TMEM132C: variants seen among roughly 807,000 people sequenced by gnomAD.
TMEM132C encodes transmembrane protein 132C, also known as protein phosphatase 1, regulatory subunit 152.
In TMEM132C, 29 loss-of-function variants were observed where a neutral mutation model predicts 61.4. That is an observed-to-expected ratio of 0.47 (90% confidence interval 0.35 to 0.64). The LOEUF (loss-of-function observed/expected upper bound fraction) is 0.64. Among genes scored for constraint, TMEM132C ranks in the 30% least tolerant of loss-of-function variants. The pLI, the probability that TMEM132C is intolerant of heterozygous loss-of-function variation, is 0.00. For synonymous variants in TMEM132C, 656 were observed against 633.1 expected, an observed-to-expected ratio of 1.04 and a Z score of -0.54; for missense variants, 1,408 against 1,476.9, an observed-to-expected ratio of 0.95 and a Z score of 0.76.
At chr12:128,327,875 T>A (rs559549853) in intron 1 of TMEM132C, among the ~76,000 whole-genome samples, 1 of 152,208 alleles carries the variant, frequency 6.6e-6, no homozygotes, top group South Asian at 2.1e-4. Flanking sequence ...TGGGTTGTGA[T>A]AGAGGTTGTG....
rs1429301838 is a variant in TMEM132C, at chr12:128,544,078, C to T, written c.1096C>T (p.Arg366Cys). 5 of 1,541,830 alleles carry T rather than the reference C, an allele frequency of 3.2e-6. No individual in the cohort carries two copies. Among genetic ancestry groups the T allele is most frequent in the East Asian group, 2.5e-5 (1 of 40,204 alleles). ...CGTGACGGCCACCGTGGCCTGCCAGCGCCTGGGGCCCAGCCCACGCAACAG... is the reference window on the plus strand; with the variant it reads ...CGTGACGGCCACCGTGGCCTGCCAGTGCCTGGGGCCCAGCCCACGCAACAG... The part of the protein sequence containing the change: ...KHVTATVACQ[R>C]LGPSPRNRSS... The change falls in exon 3 of 9, where the codon CGC becomes TGC. Residue 366 changes from arginine to cysteine, a missense_variant. By Grantham distance (180) the Arg-to-Cys change is radical. Coordinates refer to ENST00000435159, the MANE Select transcript of TMEM132C (RefSeq NM_001136103.3).
At chr12:128,611,157 C>T (rs774897391) in intron 3 of TMEM132C, among the ~76,000 whole-genome samples, 2 of 152,094 alleles carry the variant, frequency 1.3e-5, no homozygotes, top group African/African-American at 2.4e-5. Context: ...CAGAGTTGTT[C>T]GGTCATCCAG....
chr12:128,473,329 T>C (rs112158543), intron 2 of TMEM132C, among the ~76,000 whole-genome samples: 48 of 16,576 alleles, frequency 2.9e-3, no homozygotes, highest in Middle Eastern at 0.045. Flanking sequence ...TATCTTCATC[T>C]TCAGTCCAGC....
Position 128,368,573 on chromosome 12 carries a change from C to T in TMEM132C, c.86-46159C>T, listed in dbSNP as rs541053563. 3.3e-5 allele frequency among the ~76,000 whole-genome samples: 5 copies of T among 152,276 alleles called. No individual in the cohort carries two copies. In the East Asian group the frequency reaches 9.7e-4, roughly 29 times the overall value. On this transcript the variant is annotated intron_variant, in intron 1 of 8. Coordinates refer to ENST00000435159, the MANE Select transcript of TMEM132C (RefSeq NM_001136103.3). ...TTGCTGTTATTACAATGATGACCAT[C>T]CTTGATTTAGCAAAGGAGGGTGGGC...
rs1179461647 is a variant in TMEM132C, at chr12:128,326,947, T to G, written c.85+59460T>G. Reference sequence around the variant, plus strand: ...TAGCCGTGTCGTAGGGGGAAAATGTTAGAACGACTATTTAAGTAAAATTTA... The same window carrying G: ...TAGCCGTGTCGTAGGGGGAAAATGTGAGAACGACTATTTAAGTAAAATTTA... On this transcript the variant is annotated intron_variant, in intron 1 of 8. Transcript: ENST00000435159. The surrounding 1 kb of genome is among the most constrained non-coding windows in gnomAD (Gnocchi z 5.6). Among the ~76,000 whole-genome samples the G allele has an allele frequency of 6.7e-6, 1 of 150,018 alleles. No homozygotes were observed. Among genetic ancestry groups the G allele is most frequent in the Non-Finnish European group, 1.5e-5 (1 of 68,036 alleles).
At chr12:128,351,826 G>A (rs557345845) in intron 1 of TMEM132C, among the ~76,000 whole-genome samples, 8 of 152,304 alleles carry the variant, frequency 5.3e-5, no homozygotes, top group African/African-American at 7.2e-5. Context: ...ATGAAATTTC[G>A]ACATGAGATT....
intron 3 of TMEM132C, among the ~76,000 whole-genome samples, chr12:128,614,320 G>A (rs1235587632): frequency 2.0e-5 from 3 of 152,170 alleles, no homozygotes; most frequent in Non-Finnish European, 2.9e-5. Context: ...CTTATAACAC[G>A]AAAGCAACCA....
chr12:128,287,680 T>C (rs1159526918), intron 1 of TMEM132C, among the ~76,000 whole-genome samples: 1 of 152,254 alleles, frequency 6.6e-6, no homozygotes, highest in Non-Finnish European at 1.5e-5. Context: ...GGTACTATTA[T>C]GTATCTGCCT....
intron 1 of TMEM132C, among the ~76,000 whole-genome samples, chr12:128,290,854 A>C (rs12311295): frequency 0.018 from 2,742 of 151,920 alleles, 163 homozygotes; most frequent in Admixed American, 0.12. Context: ...TTAACAAAAA[A>C]AAAAAAAAGA....
At chr12:128,456,293 A>AT (rs777275747) in intron 2 of TMEM132C, among the ~76,000 whole-genome samples, 3 of 120,654 alleles carry the variant, frequency 2.5e-5, no homozygotes, top group Non-Finnish European at 5.2e-5. Context: ...CTTGTTTCAT[A>AT]TTTTTCCTTA....
intron 3 of TMEM132C, among the ~76,000 whole-genome samples, chr12:128,598,238 G>A (rs146441748): frequency 9.3e-4 from 141 of 152,156 alleles, no homozygotes; most frequent in African/African-American, 3.0e-3. Context: ...CCAACATGGC[G>A]GAACCCCAAC....
intron 5 of TMEM132C, among the ~76,000 whole-genome samples, chr12:128,672,925 A>C (rs899050462): frequency 2.6e-5 from 4 of 152,198 alleles, no homozygotes; most frequent in Non-Finnish European, 5.9e-5. Flanking sequence ...AGTTTTGTGG[A>C]TGCTGGCAGA....
intron 6 of TMEM132C, 56 bp from the exon 7 acceptor site, chr12:128,695,774 A>C: frequency 6.8e-7 from 1 of 1,469,232 alleles, no homozygotes; most frequent in Non-Finnish European, 9.0e-7. Flanking sequence ...GCCTGTCTCA[A>C]GAACGTCTTA....
At chr12:128,506,761 C>T (rs1386948834) in intron 2 of TMEM132C, among the ~76,000 whole-genome samples, 1 of 152,176 alleles carries the variant, frequency 6.6e-6, no homozygotes, top group African/African-American at 2.4e-5. Context: ...AGGTTGGGCA[C>T]ATGAAGTAGA....
chr12:128,432,563 A>G (rs1286955989), intron 2 of TMEM132C, among the ~76,000 whole-genome samples: 1 of 152,224 alleles, frequency 6.6e-6, no homozygotes, highest in African/African-American at 2.4e-5. Flanking sequence ...TAGCAAAAGA[A>G]TTAGATATCA....
intron 1 of TMEM132C, among the ~76,000 whole-genome samples, chr12:128,378,549 A>T (rs1385663538): frequency 2.0e-5 from 3 of 152,350 alleles, no homozygotes; most frequent in African/African-American, 7.2e-5. Context: ...GCACAATTTC[A>T]GGAACGCCTA....
intron 1 of TMEM132C, among the ~76,000 whole-genome samples, chr12:128,291,160 C>CATA (rs1871234742): frequency 6.6e-6 from 1 of 152,196 alleles, no homozygotes; most frequent in Non-Finnish European, 1.5e-5. Flanking sequence ...TGGTCTGAGC[C>CATA]AGCTGCAAGG....
intron 2 of TMEM132C, among the ~76,000 whole-genome samples, chr12:128,524,025 A>G (rs1303730213): frequency 3.8e-4 from 57 of 151,510 alleles, no homozygotes; most frequent in Non-Finnish European, 6.2e-4. Context: ...AAAAAAAAAA[A>G]AAAAAAAAAA....
intron 1 of TMEM132C, among the ~76,000 whole-genome samples, chr12:128,391,707 A>G (rs117986073): frequency 0.012 from 1,862 of 152,340 alleles, 13 homozygotes; most frequent in Non-Finnish European, 0.02. Context: ...CTAAGGCACG[A>G]AGAATGAACC....
Sources: allele counts gnomAD v4.1 joint callset (sites outside exome capture counted in the v4.1 genomes callset), GRCh38; gene constraint gnomAD v4.1.1; non-coding constraint Gnocchi (gnomAD v3.1); transcripts MANE v1.5; gene names NCBI Gene and HGNC (gene_info 2026-07-23, HGNC 2026-07-21).